The following EIF4G3 variants were observed in gnomAD, a reference collection of about 807,000 sequenced individuals.
The protein encoded by EIF4G3 is eIF-4-gamma 3.
EIF4G3 carries 34 observed loss-of-function variants against 186.4 expected under a neutral mutation model. The ratio of observed to expected loss-of-function variants is 0.18; its 90% CI spans 0.14 to 0.24. The LOEUF (loss-of-function observed/expected upper bound fraction) is 0.24, where lower values mean the gene tolerates loss of function less well. Ranked by LOEUF, EIF4G3 falls within the 10% of genes least tolerant of loss-of-function variation. The pLI, the probability that EIF4G3 is intolerant of heterozygous loss-of-function variation, is 1.00. For synonymous variants in EIF4G3, 673 were observed against 679.5 expected (o/e 0.99, Z 0.15); for missense variants, 1,536 against 1,948.5 (o/e 0.79, Z 3.99).
intron 30 of EIF4G3, among the ~76,000 whole-genome samples, chr1:20,833,493 T>C (rs945742990): frequency 6.6e-6 from 1 of 152,148 alleles, no homozygotes; most frequent in African/African-American, 2.4e-5. Context: ...CTTATCAGCT[T>C]AAGGAGATTT....
At chr1:21,128,206 CAA>C (rs11462443) in intron 2 of EIF4G3, among the ~76,000 whole-genome samples, 3 of 107,012 alleles carry the variant, frequency 2.8e-5, no homozygotes, top group Non-Finnish European at 1.9e-5. Flanking sequence ...GACTCCGTCT[CAA>C]AAAAAAAAAA....
intron 18 of EIF4G3, among the ~76,000 whole-genome samples, chr1:20,889,163 A>G (rs2154555253): frequency 6.6e-6 from 1 of 152,326 alleles, no homozygotes; most frequent in East Asian, 1.9e-4. Flanking sequence ...TCCGTTTTGC[A>G]ATTTAATATA....
chr1:21,128,920 G>A (rs566117112), intron 2 of EIF4G3, among the ~76,000 whole-genome samples: 6 of 152,250 alleles, frequency 3.9e-5, no homozygotes, highest in South Asian at 2.1e-4. Context: ...AATATAAAAC[G>A]TAACTTTTCT....
chr1:21,140,707 A>C (rs1028203172), intron 2 of EIF4G3, among the ~76,000 whole-genome samples: 1 of 152,246 alleles, frequency 6.6e-6, no homozygotes, highest in African/African-American at 2.4e-5. Context: ...TGAAAACAAG[A>C]CTATATTGTA....
intron 2 of EIF4G3, among the ~76,000 whole-genome samples, chr1:21,130,212 A>G (rs2097127414): frequency 1.6e-5 from 2 of 121,960 alleles, no homozygotes; most frequent in African/African-American, 6.3e-5. Flanking sequence ...AGGAGACCCC[A>G]TCTCTTTTTT....
chr1:20,916,765 G>A (rs1446943590), intron 14 of EIF4G3, among the ~76,000 whole-genome samples: 1 of 151,924 alleles, frequency 6.6e-6, no homozygotes, highest in African/African-American at 2.4e-5. Flanking sequence ...AAAGACAACC[G>A]GATCAATTGA....
At chr1:20,921,326 G>A (rs947354944) in intron 14 of EIF4G3, among the ~76,000 whole-genome samples, 1 of 152,180 alleles carries the variant, frequency 6.6e-6, no homozygotes, top group African/African-American at 2.4e-5. Context: ...AGTAACGAAG[G>A]TAATTGTGCT....
At chr1:21,056,631 C>T (rs2094572636) in intron 3 of EIF4G3, among the ~76,000 whole-genome samples, 1 of 152,138 alleles carries the variant, frequency 6.6e-6, no homozygotes, top group African/African-American at 2.4e-5. Context: ...TTACTGAATC[C>T]TCTATTATCT....
intron 2 of EIF4G3, among the ~76,000 whole-genome samples, chr1:21,118,227 ACAGGTTCATAAC>A (rs1046425748): frequency 6.6e-6 from 1 of 152,244 alleles, no homozygotes; most frequent in African/African-American, 2.4e-5. Flanking sequence ...AACAAGTAAT[ACAGGTTCATAAC>A]CAGACACCTC....
intron 36 of EIF4G3, 135 bp from the exon 37 acceptor site, chr1:20,807,635 A>G: frequency 4.2e-6 from 3 of 718,082 alleles, no homozygotes; most frequent in Non-Finnish European, 6.1e-6. Context: ...ACAATTCACC[A>G]TACTTGCTCT....
At chr1:21,087,677 A>C (rs1191333111) in intron 3 of EIF4G3, among the ~76,000 whole-genome samples, 2 of 151,870 alleles carry the variant, frequency 1.3e-5, no homozygotes, top group African/African-American at 2.4e-5. Context: ...TCTGTCGCCC[A>C]GGCTGGAGTG....
At chr1:20,860,726 T>C (rs946771656) in intron 23 of EIF4G3, among the ~76,000 whole-genome samples, 2 of 152,206 alleles carry the variant, frequency 1.3e-5, no homozygotes, top group Non-Finnish European at 2.9e-5. Context: ...TGGCCAATTG[T>C]ATACTACATA....
rs1055558458 is a variant in EIF4G3 at position 21,111,391 on chromosome 1, G to C, written c.-271-22178C>G. The C allele has an allele frequency of 6.2e-5, 29 of 471,544 alleles. No homozygotes were observed. In the Admixed American group the frequency reaches 6.3e-4, roughly 10 times the overall value. The allele number at this position is 471,544 out of a possible 1,614,324, so 29.2% of individuals were successfully genotyped here. On this transcript the variant is annotated intron_variant, in intron 2 of 36. Transcript: ENST00000602326. ...CAATACTCTGTGGGATTGCTGGAAA[G>C]AATTAGCAAAATAAGGCTTATGATG...
intron 5 of EIF4G3, among the ~76,000 whole-genome samples, chr1:21,002,220 C>T (rs1248481812): frequency 6.6e-6 from 1 of 152,308 alleles, no homozygotes; most frequent in East Asian, 1.9e-4. Context: ...TAAATGAATA[C>T]ACTCACTGGT....
chr1:21,138,489 A>T (rs1001009987), intron 2 of EIF4G3, among the ~76,000 whole-genome samples: 1 of 151,874 alleles, frequency 6.6e-6, no homozygotes, highest in Non-Finnish European at 1.5e-5. Flanking sequence ...TTCAGCACAG[A>T]CCAAACCAAA....
At chr1:20,871,447 G>A (rs556764121) in intron 20 of EIF4G3, among the ~76,000 whole-genome samples, 115 of 152,304 alleles carry the variant, frequency 7.6e-4, no homozygotes, top group African/African-American at 2.6e-3. Context: ...ATGTCCTGAA[G>A]TGGGGGTGGG....
chr1:21,062,546 G>T (rs905970846), intron 3 of EIF4G3, among the ~76,000 whole-genome samples: 2 of 152,128 alleles, frequency 1.3e-5, no homozygotes, highest in Admixed American at 1.3e-4. Context: ...CGGAGAAGAC[G>T]TAAGCAGTAG....
intron 31 of EIF4G3, among the ~76,000 whole-genome samples, 153 bp downstream of exon 31, chr1:20,828,994 T>G (rs1387770194): frequency 6.6e-6 from 1 of 152,124 alleles, no homozygotes; most frequent in Non-Finnish European, 1.5e-5. Context: ...TAAGGTAACA[T>G]TTTTACACTG....
chr1:20,944,447 C>T (rs1214547509), intron 13 of EIF4G3, among the ~76,000 whole-genome samples: 1 of 150,876 alleles, frequency 6.6e-6, no homozygotes, highest in Non-Finnish European at 1.5e-5. Context: ...CCCAGGAGGT[C>T]GAGGCTGCAG....
Sources: allele counts gnomAD v4.1 joint callset (sites outside exome capture counted in the v4.1 genomes callset), GRCh38; gene constraint gnomAD v4.1.1; transcripts MANE v1.5; gene names NCBI Gene and HGNC (gene_info 2026-07-23, HGNC 2026-07-21).